ZC3HAV1: variants seen among roughly 807,000 people sequenced by gnomAD.
ZC3HAV1 encodes zinc finger CCCH-type antiviral protein 1.
In ZC3HAV1, 41 loss-of-function variants were observed where a neutral mutation model predicts 86.6. The ratio of observed to expected loss-of-function variants is 0.47; its 90% CI spans 0.37 to 0.61. The LOEUF is 0.61. Ranked by LOEUF, ZC3HAV1 falls within the 20% of genes least tolerant of loss-of-function variation. The pLI is 0.00. For synonymous variants in ZC3HAV1, 421 were observed against 432.1 expected, an observed-to-expected ratio of 0.97 and a Z score of 0.32; for missense variants, 964 against 1,141.1, an observed-to-expected ratio of 0.84 and a Z score of 2.24.
Position 139,073,839 on chromosome 7 carries a change from G to A in ZC3HAV1, c.1872+17C>T. 1 of 1,591,558 alleles carries A rather than the reference G, an allele frequency of 6.3e-7. No homozygotes were observed. The highest frequency in any genetic ancestry group is 8.6e-7 in the Non-Finnish European group (1 of 1,167,072). On this transcript the variant is annotated intron_variant, in intron 7 of 12. Coordinates refer to ENST00000242351, the MANE Select transcript of ZC3HAV1 (RefSeq NM_020119.4). ...AAGTTTAAACAAGAGCCCCCTACAA[G>A]GAGGAACAGTGCTCACCTCTTCTCC... is the stretch of plus-strand genomic sequence containing the variant.
In ZC3HAV1 at chr7:139,045,454, C is replaced by T. The variant is rs1264368833; in HGVS notation, c.*2140G>A. ...CTAAGTAAATTTTAAAAAATATAAC[C>T]TTCTTGCTCTGAAGAAAACACAGCA... On this transcript the variant is annotated 3_prime_UTR_variant, in exon 13 of 13. Transcript: ENST00000242351. 6.6e-6 allele frequency: 1 copy of T among 152,172 alleles called. No individual in the cohort carries two copies. The highest frequency in any genetic ancestry group is 1.5e-5 in the Non-Finnish European group (1 of 68,032). 9.4% of individuals were successfully genotyped at this position (152,172 alleles called of 1,614,324 possible).
intron 8 of ZC3HAV1, 32 bp from the exon 9 acceptor site, chr7:139,061,170 G>A: frequency 1.9e-6 from 3 of 1,597,936 alleles, no homozygotes; most frequent in Non-Finnish European, 2.6e-6. Context: ...AAAGCAGTGA[G>A]AATCAAGATC....
At chr7:139,076,106 G>A (rs1451892249) in intron 6 of ZC3HAV1, among the ~76,000 whole-genome samples, 180 bp downstream of exon 6, 2 of 152,176 alleles carry the variant, frequency 1.3e-5, no homozygotes, top group African/African-American at 4.8e-5. Flanking sequence ...AACCCACCCA[G>A]CTGTGGTTTT....
chr7:139,097,401 CATATATATATAT>C (rs1183885767), intron 1 of ZC3HAV1, among the ~76,000 whole-genome samples: 14 of 63,850 alleles, frequency 2.2e-4, no homozygotes, highest in African/African-American at 3.3e-4. Context: ...ATTGGAACTC[CATATATATATAT>C]ATATATATAT....
chr7:139,075,291 C>A (rs936140757), intron 6 of ZC3HAV1, among the ~76,000 whole-genome samples: 1 of 152,146 alleles, frequency 6.6e-6, no homozygotes, highest in African/African-American at 2.4e-5. Context: ...TCACTAAATT[C>A]TCATATGATG....
chr7:139,096,759 G>A (rs911200424), intron 1 of ZC3HAV1, among the ~76,000 whole-genome samples: 3 of 152,176 alleles, frequency 2.0e-5, no homozygotes, highest in African/African-American at 7.2e-5. Flanking sequence ...CAGTCTTCCA[G>A]GAAGTGTACC....
intron 1 of ZC3HAV1, among the ~76,000 whole-genome samples, chr7:139,106,669 A>C (rs757751688): frequency 5.3e-5 from 8 of 152,186 alleles, no homozygotes; most frequent in Non-Finnish European, 1.0e-4. Context: ...CCTGAAAATA[A>C]AAGTTGGATT....
chr7:139,106,438 C>A (rs1193192315), intron 1 of ZC3HAV1, among the ~76,000 whole-genome samples: 3 of 152,078 alleles, frequency 2.0e-5, no homozygotes, highest in Non-Finnish European at 4.4e-5. Flanking sequence ...CATCGCGAAA[C>A]CCCATCTCTA....
chr7:139,068,022 T>C (rs1437029244), intron 7 of ZC3HAV1, among the ~76,000 whole-genome samples: 7 of 142,278 alleles, frequency 4.9e-5, no homozygotes, highest in Non-Finnish European at 7.6e-5. Context: ...CCTCTTTCTT[T>C]CTTTATTATT....
At chr7:139,093,671 C>T (rs1229328502) in intron 1 of ZC3HAV1, among the ~76,000 whole-genome samples, 1 of 152,220 alleles carries the variant, frequency 6.6e-6, no homozygotes, top group Non-Finnish European at 1.5e-5. Context: ...TTTCCACTAC[C>T]TACCCAAATC....
rs371231774 is a variant in ZC3HAV1 at position 139,084,052 on chromosome 7, C to T, written c.445-20G>A. 27 of 1,604,728 alleles carry T rather than the reference C, an allele frequency of 1.7e-5. No individual in the cohort carries two copies. Among genetic ancestry groups the T allele is most frequent in the Non-Finnish European group, 2.3e-5 (27 of 1,172,758 alleles). On this transcript the variant is annotated intron_variant, in intron 2 of 12. Coordinates refer to ENST00000242351, the MANE Select transcript of ZC3HAV1 (RefSeq NM_020119.4). ...GCATATCTACAGAAGGGAGAAACAA[C>T]AGCCAGAGTCAAAACACCTTCTTGT...
At chr7:139,074,123 T>C (rs1816865318) in intron 6 of ZC3HAV1, 93 bp from the exon 7 acceptor site, 1 of 1,270,052 alleles carries the variant, frequency 7.9e-7, no homozygotes, top group African/African-American at 1.5e-5. Flanking sequence ...GAATTAAACT[T>C]TCAGGGCTAA....
intron 4 of ZC3HAV1, chr7:139,079,001 C>G: frequency 6.8e-7 from 1 of 1,460,140 alleles, no homozygotes; most frequent in Non-Finnish European, 9.1e-7. Flanking sequence ...CTCTAACTCT[C>G]TACCCTTTAA....
In ZC3HAV1 at chr7:139,076,428, G is replaced by A; in HGVS notation, c.1574-19C>T. 6.2e-7 allele frequency: 1 copy of A among 1,613,510 alleles called. No individual in the cohort carries two copies. The highest frequency in any genetic ancestry group is 1.7e-5 in the Admixed American group (1 of 59,984). On this transcript the variant is annotated intron_variant, in intron 5 of 12. Transcript: ENST00000242351. ...CAGCTACCTACAAAGACAAAGAAGG[G>A]GTCTGAGGGACTGTTGAGCAGGGAT...
Position 139,053,958 on chromosome 7 carries a change from C to T in ZC3HAV1, c.2318+7G>A. On this transcript the variant is annotated splice_region_variant and intron_variant, in intron 11 of 12. Transcript: ENST00000242351. ...ATGTAAAGAAACACGATAACGTGGC[C>T]ACCAACCATGTAAATTTATCCAGGA... The T allele has an allele frequency of 1.2e-6, 2 of 1,602,364 alleles. No individual in the cohort carries two copies. The highest frequency in any genetic ancestry group is 2.2e-5 in the East Asian group (1 of 44,458).
At chr7:139,101,694 A>C (rs1258118235) in intron 1 of ZC3HAV1, among the ~76,000 whole-genome samples, 1 of 150,984 alleles carries the variant, frequency 6.6e-6, no homozygotes, top group Non-Finnish European at 1.5e-5. Flanking sequence ...GATGCTGTTG[A>C]TCTATGACCT....
intron 1 of ZC3HAV1, among the ~76,000 whole-genome samples, chr7:139,094,502 A>G (rs1156308386): frequency 2.0e-5 from 3 of 152,018 alleles, no homozygotes; most frequent in African/African-American, 4.8e-5. Flanking sequence ...TAACTTAAAA[A>G]AAAAAAAAAA....
At chr7:139,055,152 T>C (rs1490460513) in intron 10 of ZC3HAV1, 53 bp downstream of exon 10, 6 of 1,485,308 alleles carry the variant, frequency 4.0e-6, no homozygotes, top group South Asian at 3.5e-5. Flanking sequence ...TGTAGCAAAG[T>C]ACTTTTTCTA....
At position 139,053,483 on chromosome 7, in the gene ZC3HAV1, A is replaced by G. The variant is rs761078215; in HGVS notation, c.2417T>C (p.Leu806Pro). The G allele has an allele frequency of 3.1e-6, 5 of 1,602,598 alleles. No individual in the cohort carries two copies. The highest frequency in any genetic ancestry group is 1.7e-4 in the Middle Eastern group (1 of 6,018). The change falls in exon 12 of 13, where the codon CTA becomes CCA. Residue 806 changes from leucine (L) to proline (P), a missense_variant. Leu to Pro is a moderately conservative substitution (Grantham distance 98). Coordinates refer to ENST00000242351, the MANE Select transcript of ZC3HAV1 (RefSeq NM_020119.4). The stretch of plus-strand genomic sequence containing the variant: ...GTATTTGTTTTCATGAGTTTCATGT[A>G]GGAAACTGTCAAAATTATTCGAACA... ...SICSNNFDSF[L>P]HETHENKYGK... is the part of the protein sequence containing the mutation.
Sources: allele counts gnomAD v4.1 joint callset (sites outside exome capture counted in the v4.1 genomes callset), GRCh38; gene constraint gnomAD v4.1.1; transcripts MANE v1.5; gene names NCBI Gene and HGNC (gene_info 2026-07-23, HGNC 2026-07-21).